FLT4: variants seen among roughly 807,000 people sequenced by gnomAD.
FLT4 encodes the protein fms related receptor tyrosine kinase 4, also known as vascular endothelial growth factor receptor 3.
Under a neutral mutation model 163.2 loss-of-function variants are expected in FLT4, and 30 were observed. That is an observed-to-expected ratio of 0.18 (90% confidence interval 0.14 to 0.25). The LOEUF is 0.25. Ranked by LOEUF, FLT4 falls within the 10% of genes least tolerant of loss-of-function variation. The pLI, the probability that FLT4 is intolerant of heterozygous loss-of-function variation, is 1.00. For missense variants in FLT4, 1,510 were observed against 1,863.8 expected, an observed-to-expected ratio of 0.81 and a Z score of 3.50; for synonymous variants, 884 against 789.5, an observed-to-expected ratio of 1.12 and a Z score of -2.01.
intron 1 of FLT4, among the ~76,000 whole-genome samples, chr5:180,643,629 T>C (rs1229048945): frequency 2.0e-5 from 3 of 152,040 alleles, no homozygotes; most frequent in Non-Finnish European, 4.4e-5. Flanking sequence ...ATCTGGTGCC[T>C]CCTTGGCCTC....
At chr5:180,627,305 C>CT (rs1242669137) in intron 8 of FLT4, among the ~76,000 whole-genome samples, 1 of 152,048 alleles carries the variant, frequency 6.6e-6, no homozygotes, top group Non-Finnish European at 1.5e-5. Flanking sequence ...AGCAGGGGCC[C>CT]GGGGGGAGTG....
At chr5:180,625,187 C>G (rs190874704) in intron 10 of FLT4, among the ~76,000 whole-genome samples, 1,861 of 152,328 alleles carry the variant, frequency 0.012, 38 homozygotes, top group Non-Finnish European at 0.018. Flanking sequence ...TGAGCCATGT[C>G]TCCACTTCTC....
rs1170381686 is a variant in FLT4 at position 180,620,782 on chromosome 5, C to T, written c.2300-67G>A. 1 of 1,599,096 alleles carries T rather than the reference C, an allele frequency of 6.3e-7. No individual in the cohort carries two copies. Among genetic ancestry groups the T allele is most frequent in the African/African-American group, 1.3e-5 (1 of 74,654 alleles). On this transcript the variant is annotated intron_variant, in intron 15 of 29. Coordinates refer to ENST00000261937, the MANE Select transcript of FLT4 (RefSeq NM_182925.5). The surrounding 1 kb of genome is among the most constrained non-coding windows in gnomAD (Gnocchi z 4.4). ...TAAGAGCGTGCACCTGCAGGCAGCA[C>T]CCCTTCTGGTGGCCACGACTTGCCC...
chr5:180,619,092 C>T lies in FLT4; in HGVS notation c.2779G>A (p.Val927Met). The change falls in exon 20 of 30, where the codon GTG (valine) becomes ATG (methionine). Residue 927 changes from valine (V) to methionine (M), a missense_variant. By Grantham distance (21) the Val-to-Met change is conservative. Transcript: ENST00000261937. Reference sequence around the variant, plus strand: ...AGGTTGCCGTACTTGCAGAACTCCACGATCACCATGAGGGGGCCTGCGGCG... The same window carrying T: ...AGGTTGCCGTACTTGCAGAACTCCATGATCACCATGAGGGGGCCTGCGGCG... ...TKPQGPLMVI[V>M]EFCKYGNLSN... 1.3e-6 allele frequency: 2 copies of T among 1,555,770 alleles called. No homozygotes were observed. Among genetic ancestry groups the T allele is most frequent in the African/African-American group, 1.4e-5 (1 of 71,534 alleles).
chr5:180,611,085 C>A (rs1252024892), intron 27 of FLT4, among the ~76,000 whole-genome samples: 2 of 152,092 alleles, frequency 1.3e-5, no homozygotes, highest in Admixed American at 1.3e-4. Context: ...ATAAAAAGTA[C>A]CCTTGATGTT....
chr5:180,643,924 C>T (rs1965978), intron 1 of FLT4, among the ~76,000 whole-genome samples: 33,384 of 151,800 alleles, frequency 0.22, 4,143 homozygotes, highest in East Asian at 0.55. Context: ...CAGTTTCAAA[C>T]AGTTCTCCTG....
At position 180,649,082 on chromosome 5, in the gene FLT4, T is replaced by TGGCCG. The variant is rs1446329127; in HGVS notation, c.58+405_58+406insCGGCC. 5.8e-3 allele frequency among the ~76,000 whole-genome samples: 884 copies of TGGCCG among 152,006 alleles called. 10 individuals carry two copies. The highest frequency in any genetic ancestry group is 0.021 in the African/African-American group (854 of 41,508). ...ACCCAAGTCCGGGGCCCGGCCGGGA[T>TGGCCG]GGATCTCCGGCGCGCGTGGGTCGGG... On this transcript the variant is annotated intron_variant, in intron 1 of 29. Transcript: ENST00000261937.
chr5:180,625,731 G>C (rs1222705999), intron 10 of FLT4, 138 bp downstream of exon 10: 2 of 796,890 alleles, frequency 2.5e-6, no homozygotes, highest in Non-Finnish European at 4.2e-6. Flanking sequence ...CTGAAGGTAG[G>C]GTTCAAGTTC....
At chr5:180,637,810 G>A (rs1189339941) in intron 1 of FLT4, among the ~76,000 whole-genome samples, 1 of 152,164 alleles carries the variant, frequency 6.6e-6, no homozygotes, top group Non-Finnish European at 1.5e-5. Flanking sequence ...GATTACAGGT[G>A]TGGGCCACCA....
At chr5:180,610,918 G>A (rs307830) in intron 27 of FLT4, among the ~76,000 whole-genome samples, 87,815 of 150,364 alleles carry the variant, frequency 0.58, 26,370 homozygotes, top group Admixed American at 0.67. Flanking sequence ...TTAGCCAGGC[G>A]TGGTGGCGGG....
At chr5:180,647,973 T>C (rs560306128) in intron 1 of FLT4, among the ~76,000 whole-genome samples, 2 of 152,264 alleles carry the variant, frequency 1.3e-5, no homozygotes, top group South Asian at 2.1e-4. Context: ...GGAAGCCCCC[T>C]TGCCCTCTGG....
Position 180,620,300 on chromosome 5 carries a change from G to C in FLT4, c.2415C>G (p.His805Gln). 1 of 1,611,672 alleles carries C rather than the reference G, an allele frequency of 6.2e-7. No individual in the cohort carries two copies. Among genetic ancestry groups the C allele is most frequent in the South Asian group, 1.1e-5 (1 of 91,080 alleles). ...LIFCNMRRPA[H>Q]ADIKTGYLSI... ...ACAGGTAGCCCGTCTTGATGTCTGCGTGGGCCGGCTGCGGGGAGGGGACAG... is the reference window on the plus strand; with the variant it reads ...ACAGGTAGCCCGTCTTGATGTCTGCCTGGGCCGGCTGCGGGGAGGGGACAG... The change falls in exon 17 of 30, where the codon CAC becomes CAG. Residue 805 changes from histidine (H) to glutamine (Q), a missense_variant. Physicochemically the swap from His to Gln is conservative, Grantham distance 24. Coordinates refer to ENST00000261937, the MANE Select transcript of FLT4 (RefSeq NM_182925.5). This position sits in a 1 kb window ranked among gnomAD's most constrained non-coding sequence, Gnocchi z 4.4.
At chr5:180,617,051 C>G (rs553218891) in intron 21 of FLT4, 57 bp from the exon 22 acceptor site, 1 of 1,291,924 alleles carries the variant, frequency 7.7e-7, no homozygotes, top group East Asian at 2.3e-5. Context: ...CTCCATCTAC[C>G]CAGCCCCAGG....
chr5:180,612,975 T>C, intron 25 of FLT4, 36 bp downstream of exon 25: 1 of 1,533,546 alleles, frequency 6.5e-7, no homozygotes. Flanking sequence ...CGACGCTTGC[T>C]GTCCCCAAAA....
intron 1 of FLT4, among the ~76,000 whole-genome samples, chr5:180,633,367 G>A (rs894869712): frequency 6.6e-6 from 1 of 152,124 alleles, no homozygotes; most frequent in African/African-American, 2.4e-5. Context: ...AGAAGGCAGC[G>A]CCTCGCCTGT....
At chr5:180,613,420 A>C in intron 24 of FLT4, 1 of 348,982 alleles carries the variant, frequency 2.9e-6, no homozygotes, top group Non-Finnish European at 5.2e-6. Context: ...GCGGCGGGGG[A>C]GCCGCCTGCA....
chr5:180,619,775 G>C lies in FLT4; in HGVS notation c.2543-6C>G. 1 of 1,603,830 alleles carries C rather than the reference G, an allele frequency of 6.2e-7. No individual in the cohort carries two copies. Among genetic ancestry groups the C allele is most frequent in the South Asian group, 1.1e-5 (1 of 90,858 alleles). On this transcript the variant is annotated splice_polypyrimidine_tract_variant and splice_region_variant and intron_variant, in intron 17 of 29. Coordinates refer to ENST00000261937, the MANE Select transcript of FLT4 (RefSeq NM_182925.5). ...GCCGTAGCCGAGCACTCTCCCTGTC[G>C]GGGCAGGGGGCCAGTTGCAGGTGAG...
chr5:180,624,205 G>C lies in FLT4; in HGVS notation c.1422-144C>G, dbSNP rs1763415517. On this transcript the variant is annotated intron_variant, in intron 10 of 29. Transcript: ENST00000261937. ...GGCTGGCCCTCGGGCCTGGGTGAGG[G>C]AGATGGGAAGGGGACTTTGGTGTTT... The C allele has an allele frequency of 3.6e-6, 3 of 830,774 alleles. No individual in the cohort carries two copies. In the South Asian group the frequency reaches 4.4e-5, roughly 12 times the overall value. The allele number at this position is 830,774 out of a possible 1,614,324, so 51.5% of individuals were successfully genotyped here. A position where few individuals can be genotyped will look rare whatever the true frequency, so the allele number is the denominator to read the frequency against.
Position 180,629,335 on chromosome 5 carries a change from G to C in FLT4, c.909C>G (p.His303Gln). 1 of 1,613,290 alleles carries C rather than the reference G, an allele frequency of 6.2e-7. No individual in the cohort carries two copies. The highest frequency in any genetic ancestry group is 8.5e-7 in the Non-Finnish European group (1 of 1,179,998). The change falls in exon 7 of 30, where the codon CAC becomes CAG. Residue 303 changes from histidine (H) to glutamine (Q), a missense_variant. This residue lies in a region of FLT4 where 163 missense variants were observed against 281.1 expected (regional missense o/e 0.58). Transcript: ENST00000261937. The part of the protein sequence containing the change: ...SILTIHNVSQ[H>Q]DLGSYVCKAN... The stretch of plus-strand genomic sequence containing the variant: ...CCTTGCACACATACGAGCCCAGGTC[G>C]TGCTGGCTGACGTTGTGGATGGTCA...
Sources: allele counts gnomAD v4.1 joint callset (sites outside exome capture counted in the v4.1 genomes callset), GRCh38; gene constraint gnomAD v4.1.1; regional missense constraint gnomAD v4.1.1; non-coding constraint Gnocchi (gnomAD v3.1); transcripts MANE v1.5; gene names NCBI Gene and HGNC (gene_info 2026-07-23, HGNC 2026-07-21).